Variants in SNRPN observed in about 807,000 individuals in gnomAD.
The protein encoded by SNRPN is small nuclear ribonucleoprotein polypeptide N, also known as small nuclear ribonucleoprotein-associated protein N.
A neutral mutation model predicts 25.2 loss-of-function variants in SNRPN; 7 were observed. That is an observed-to-expected ratio of 0.28 (90% CI 0.16 to 0.52). The LOEUF (loss-of-function observed/expected upper bound fraction) is 0.52. Among genes scored for constraint, SNRPN ranks in the 20% least tolerant of loss-of-function variants. The pLI is 0.96. For synonymous variants in SNRPN, 124 were observed against 110.6 expected (o/e 1.12, Z -0.76); for missense variants, 196 against 322.5 (o/e 0.61, Z 3.00).
chr15:24,905,728 CT>C (rs1238400805), intron 2 of SNRPN, among the ~76,000 whole-genome samples: 3 of 152,154 alleles, frequency 2.0e-5, no homozygotes, highest in Non-Finnish European at 4.4e-5. Context: ...TTGGAATAAA[CT>C]GTAAACTCAG....
chr15:24,936,114 C>CA (rs57194066), intron 3 of SNRPN, among the ~76,000 whole-genome samples: 7,717 of 137,062 alleles, frequency 0.056, 594 homozygotes, highest in African/African-American at 0.18. Flanking sequence ...GACTCTGTCT[C>CA]AAAAAAAAAA....
chr15:24,916,064 C>T (rs752602718), intron 2 of SNRPN, among the ~76,000 whole-genome samples: 4 of 150,682 alleles, frequency 2.7e-5, no homozygotes, highest in Admixed American at 1.3e-4. Context: ...CTCTGCCTCC[C>T]GGATTCAAGT....
At chr15:24,952,114 A>G (rs921880563), upstream of SNRPN, among the ~76,000 whole-genome samples, 3 of 152,084 alleles carry the variant, frequency 2.0e-5, no homozygotes, top group African/African-American at 7.2e-5. Flanking sequence ...CACATACACA[A>G]ATGTTATATA....
At chr15:24,883,077 G>C (rs528199938) in intron 1 of SNRPN, among the ~76,000 whole-genome samples, 5 of 152,234 alleles carry the variant, frequency 3.3e-5, no homozygotes, top group African/African-American at 1.2e-4. Context: ...TCTACTGAAT[G>C]CTTATCACTG....
intron 2 of SNRPN, among the ~76,000 whole-genome samples, chr15:24,838,665 G>C (rs1374312831): frequency 6.6e-6 from 1 of 152,016 alleles, no homozygotes; most frequent in Non-Finnish European, 1.5e-5. Context: ...ACTTCTGCTG[G>C]CACCCAAAGC....
chr15:24,918,044 T>C (rs184345351), intron 2 of SNRPN, among the ~76,000 whole-genome samples: 73 of 152,186 alleles, frequency 4.8e-4, no homozygotes, highest in Admixed American at 4.7e-3. Context: ...TTGTCTTTAA[T>C]TTTCAAAATA....
chr15:24,916,761 G>C (rs937953513), intron 2 of SNRPN, among the ~76,000 whole-genome samples: 1 of 152,132 alleles, frequency 6.6e-6, no homozygotes, highest in Non-Finnish European at 1.5e-5. Flanking sequence ...GGTTCCTTCC[G>C]GTGGGTTTGT....
At chr15:24,883,062 C>T (rs2056878799) in intron 1 of SNRPN, among the ~76,000 whole-genome samples, 1 of 152,068 alleles carries the variant, frequency 6.6e-6, no homozygotes, top group African/African-American at 2.4e-5. Context: ...TCTCAAAGTT[C>T]AGTTTCTACT....
At chr15:24,962,261 T>A in intron 2 of SNRPN, 52 bp downstream of exon 2, 3 of 1,446,520 alleles carry the variant, frequency 2.1e-6, no homozygotes, top group Non-Finnish European at 2.9e-6. Context: ...TCCTTTCAGA[T>A]TAGAACAAAA....
At chr15:24,853,549 A>G (rs1289526550), upstream of SNRPN, among the ~76,000 whole-genome samples, 1 of 151,976 alleles carries the variant, frequency 6.6e-6, no homozygotes, top group African/African-American at 2.4e-5. Flanking sequence ...GCCCGCCACC[A>G]CGCCCAGCTA....
chr15:24,918,380 CAT>C (rs2059681927), intron 2 of SNRPN, among the ~76,000 whole-genome samples: 1 of 107,308 alleles, frequency 9.3e-6, no homozygotes, highest in Admixed American at 1.0e-4. Flanking sequence ...ATATATATAA[CAT>C]AATATATATG....
At chr15:24,942,187 G>A (rs1366490129) in intron 3 of SNRPN, 1 of 152,206 alleles carries the variant, frequency 6.6e-6, no homozygotes, top group Non-Finnish European at 1.5e-5. Context: ...ATGAGATCAT[G>A]GGGACAGGAA....
intron 1 of SNRPN, among the ~76,000 whole-genome samples, chr15:24,878,789 A>T (rs2056278668): frequency 6.6e-6 from 1 of 152,126 alleles, no homozygotes; most frequent in African/African-American, 2.4e-5. Context: ...CCTTTTCAAA[A>T]ATACTGAACT....
At chr15:24,843,702 AC>A (rs1378911037) in intron 2 of SNRPN, among the ~76,000 whole-genome samples, 3 of 151,892 alleles carry the variant, frequency 2.0e-5, no homozygotes, top group African/African-American at 7.3e-5. Flanking sequence ...CAGGAGAGTC[AC>A]TTGAACCCAC....
intron 2 of SNRPN, among the ~76,000 whole-genome samples, chr15:24,917,229 T>C (rs2059582509): frequency 1.3e-5 from 2 of 152,202 alleles, no homozygotes; most frequent in Admixed American, 1.3e-4. Flanking sequence ...TTAAAGGCCA[T>C]AAATTTCCAG....
chr15:24,904,909 C>T (rs2058696465), intron 2 of SNRPN, among the ~76,000 whole-genome samples: 1 of 147,062 alleles, frequency 6.8e-6, no homozygotes, highest in South Asian at 2.1e-4. Flanking sequence ...CGCCACTGCA[C>T]TCCAGCCTGG....
chr15:24,850,532 C>G (rs1295849697), intron 2 of SNRPN: 1 of 152,168 alleles, frequency 6.6e-6, no homozygotes, highest in African/African-American at 2.4e-5. Context: ...CCAGGCTGGT[C>G]TCAAACTCTT....
rs1201045283 is a variant in SNRPN, at chr15:24,906,056, A to G, written c.-504-13955A>G. ...AATATCAAATGTAGTTACTAAAAGT[A>G]TTATGTGACATGGGAGCTTTTAGAA... On this transcript the variant is annotated intron_variant, in intron 2 of 11. Coordinates refer to the SNRPN transcript ENST00000400097. Among the ~76,000 whole-genome samples, 3 of 152,240 alleles carry G rather than the reference A, an allele frequency of 2.0e-5. No individual in the cohort carries two copies. The East Asian group carries it at 5.8e-4, about 29-fold the overall frequency.
chr15:24,932,573 A>G (rs542666941), intron 3 of SNRPN, among the ~76,000 whole-genome samples: 3 of 151,984 alleles, frequency 2.0e-5, no homozygotes, highest in African/African-American at 7.2e-5. Flanking sequence ...GAACCTGGCT[A>G]GAGTTTGGTC....
Sources: allele counts gnomAD v4.1 joint callset (sites outside exome capture counted in the v4.1 genomes callset), GRCh38; gene constraint gnomAD v4.1.1; transcripts MANE v1.5; gene names NCBI Gene and HGNC (gene_info 2026-07-23, HGNC 2026-07-21).